ZBTB20: variants seen among roughly 807,000 people sequenced by gnomAD.
ZBTB20 encodes the protein zinc finger and BTB domain-containing protein 20.
Under a neutral mutation model 56.9 loss-of-function variants are expected in ZBTB20, and 9 were observed. The observed-to-expected ratio is 0.16, with a 90% confidence interval of 0.10 to 0.28. ZBTB20 has a LOEUF of 0.28. Ranked by LOEUF, ZBTB20 falls within the 10% of genes least tolerant of loss-of-function variation. The probability of loss-of-function intolerance (pLI) is 1.00; values close to 1 mark genes in which losing one functional copy is unlikely to be tolerated. For synonymous variants in ZBTB20, 417 were observed against 420.7 expected (o/e 0.99, Z 0.11); for missense variants, 655 against 1,003.0 (o/e 0.65, Z 4.69).
Position 114,315,663 on chromosome 3 carries a change from T to C in ZBTB20, c.*23342A>G, listed in dbSNP as rs2078655461. The stretch of plus-strand genomic sequence containing the variant: ...TTCCTTTCCATACTAAGATACAATG[T>C]GATAAGAAACATTTCTGTGCAGGGA... On this transcript the variant is annotated 3_prime_UTR_variant, in exon 12 of 12. Coordinates refer to ENST00000675478, the MANE Select transcript of ZBTB20 (RefSeq NM_001348800.3). 6.6e-6 allele frequency: 1 copy of C among 151,268 alleles called. No individual in the cohort carries two copies. The highest frequency in any genetic ancestry group is 2.1e-4 in the South Asian group (1 of 4,768). 9.4% of individuals were successfully genotyped at this position (151,268 alleles called of 1,614,324 possible).
At chr3:114,967,846 A>G (rs2077709779) in intron 3 of ZBTB20, among the ~76,000 whole-genome samples, 2 of 151,838 alleles carry the variant, frequency 1.3e-5, no homozygotes, top group Admixed American at 1.3e-4. Flanking sequence ...AATCCCAGCT[A>G]CTCAGGAGGC....
At chr3:114,958,514 G>A (rs569650859) in intron 3 of ZBTB20, among the ~76,000 whole-genome samples, 23 of 152,078 alleles carry the variant, frequency 1.5e-4, no homozygotes, top group South Asian at 8.3e-4. Flanking sequence ...TTTTTCTTAC[G>A]GATTTAAAAA....
At position 114,316,339 on chromosome 3, in the gene ZBTB20, T is replaced by A. The variant is rs1422474312; in HGVS notation, c.*22666A>T. 2 of 403,734 alleles carry A rather than the reference T, an allele frequency of 5.0e-6. No homozygotes were observed. The highest frequency in any genetic ancestry group is 9.6e-6 in the Non-Finnish European group (2 of 209,058). The allele number at this position is 403,734 out of a possible 1,614,324, so 25.0% of individuals were successfully genotyped here. ...ACCAAAGTCACTGCAAGTAGCTGTT[T>A]TTATTTTTTGTGATCTGTTGCAAGA... On this transcript the variant is annotated 3_prime_UTR_variant, in exon 12 of 12. Coordinates refer to ENST00000675478, the MANE Select transcript of ZBTB20 (RefSeq NM_001348800.3).
intron 2 of ZBTB20, among the ~76,000 whole-genome samples, chr3:115,036,385 C>T (rs746921581): frequency 1.2e-4 from 18 of 151,896 alleles, no homozygotes; most frequent in Admixed American, 1.2e-3. Context: ...CTGTAACCTC[C>T]GCTTCCCGGG....
At chr3:115,014,290 G>A (rs965179114) in intron 2 of ZBTB20, among the ~76,000 whole-genome samples, 3 of 151,630 alleles carry the variant, frequency 2.0e-5, no homozygotes, top group Non-Finnish European at 4.4e-5. Flanking sequence ...AGGGGGAGAA[G>A]TGGGGATGGT....
At chr3:114,348,734 G>C (rs1396192087) in intron 11 of ZBTB20, among the ~76,000 whole-genome samples, 1 of 152,168 alleles carries the variant, frequency 6.6e-6, no homozygotes, top group African/African-American at 2.4e-5. Context: ...CTCTATCTCT[G>C]TTGCTTTCCT....
rs374536436 is a variant in ZBTB20, at chr3:114,668,918, A to G, written c.-295+24610T>C. Among the ~76,000 whole-genome samples the G allele has an allele frequency of 1.4e-4, 22 of 152,224 alleles. No homozygotes were observed. The East Asian group carries it at 3.9e-3, about 27-fold the overall frequency. Reference sequence around the variant, plus strand: ...AAGAAATTCTCAGTTGAGAGCTACCAGCTTTCTTCAGATCGGATCAGATTT... The same window carrying G: ...AAGAAATTCTCAGTTGAGAGCTACCGGCTTTCTTCAGATCGGATCAGATTT... On this transcript the variant is annotated intron_variant, in intron 6 of 11. Coordinates refer to ENST00000675478, the MANE Select transcript of ZBTB20 (RefSeq NM_001348800.3).
At chr3:114,688,570 C>T (rs576489349) in intron 6 of ZBTB20, among the ~76,000 whole-genome samples, 1 of 152,162 alleles carries the variant, frequency 6.6e-6, no homozygotes, top group African/African-American at 2.4e-5. Flanking sequence ...TACAATTTTG[C>T]CATTGTAATT....
At chr3:114,771,356 ATAAC>A (rs1211041379) in intron 5 of ZBTB20, among the ~76,000 whole-genome samples, 1 of 152,200 alleles carries the variant, frequency 6.6e-6, no homozygotes, top group East Asian at 1.9e-4. Context: ...GATTTATTAA[ATAAC>A]TAAAAACTGA....
chr3:114,886,379 C>T (rs2076601984), intron 4 of ZBTB20, among the ~76,000 whole-genome samples: 1 of 152,180 alleles, frequency 6.6e-6, no homozygotes. Context: ...CTGGCCGATG[C>T]TAAGCAGAGA....
At chr3:114,350,007 G>A (rs1485399877) in intron 11 of ZBTB20, among the ~76,000 whole-genome samples, 1 of 152,034 alleles carries the variant, frequency 6.6e-6, no homozygotes, top group Non-Finnish European at 1.5e-5. Flanking sequence ...CTTATATAAT[G>A]ACCTGAGTCT....
intron 5 of ZBTB20, 124 bp downstream of exon 5, chr3:114,800,977 A>G (rs1224243189): frequency 2.0e-5 from 3 of 151,898 alleles, no homozygotes; most frequent in African/African-American, 7.3e-5. Flanking sequence ...AATCATTTAA[A>G]CATATATTTC....
At position 114,325,842 on chromosome 3, in the gene ZBTB20, T is replaced by C. The variant is rs2079046222; in HGVS notation, c.*13163A>G. 6.6e-6 allele frequency: 1 copy of C among 152,212 alleles called. No individual in the cohort carries two copies. Among genetic ancestry groups the C allele is most frequent in the Admixed American group, 6.5e-5 (1 of 15,278 alleles). 9.4% of individuals were successfully genotyped at this position (152,212 alleles called of 1,614,324 possible). A position where few individuals can be genotyped will look rare whatever the true frequency, so the allele number is the denominator to read the frequency against. ...TAATCGAGTTGAGTTGAAAACAGTA[T>C]GCTTTCAAATGAAGTACTACAATTT... On this transcript the variant is annotated 3_prime_UTR_variant, in exon 12 of 12. Coordinates refer to ENST00000675478, the MANE Select transcript of ZBTB20 (RefSeq NM_001348800.3).
chr3:114,373,136 G>T (rs2083229820), intron 10 of ZBTB20, among the ~76,000 whole-genome samples: 1 of 152,098 alleles, frequency 6.6e-6, no homozygotes, highest in Admixed American at 6.5e-5. Flanking sequence ...GGATGGTCTC[G>T]ATCTCTTGAC....
At chr3:115,022,230 T>C (rs116628150) in intron 2 of ZBTB20, among the ~76,000 whole-genome samples, 2,921 of 150,962 alleles carry the variant, frequency 0.019, 96 homozygotes, top group African/African-American at 0.067. Context: ...CAAAATTTAG[T>C]TATTTAATAA....
intron 4 of ZBTB20, among the ~76,000 whole-genome samples, chr3:114,857,348 G>A (rs1460384282): frequency 6.6e-6 from 1 of 152,196 alleles, no homozygotes; most frequent in African/African-American, 2.4e-5. Flanking sequence ...TGTGCAGGGT[G>A]TATCTGGCAC....
At chr3:114,464,807 C>G (rs1285358769) in intron 7 of ZBTB20, among the ~76,000 whole-genome samples, 1 of 152,046 alleles carries the variant, frequency 6.6e-6, no homozygotes, top group Non-Finnish European at 1.5e-5. Flanking sequence ...TTTCATGAGA[C>G]TTTTGGTTGC....
At chr3:114,972,441 A>C (rs1379884919) in intron 3 of ZBTB20, among the ~76,000 whole-genome samples, 1 of 152,174 alleles carries the variant, frequency 6.6e-6, no homozygotes, top group African/African-American at 2.4e-5. Context: ...CAAATATTTT[A>C]TTCATGTTCT....
intron 3 of ZBTB20, among the ~76,000 whole-genome samples, chr3:114,939,759 G>A (rs574864758): frequency 6.9e-6 from 1 of 145,960 alleles, no homozygotes; most frequent in Non-Finnish European, 1.5e-5. Flanking sequence ...CCAGCACTTT[G>A]GGAGGCCCAG....
Sources: gnomAD v4.1 joint callset for allele counts (sites outside exome capture counted in the v4.1 genomes callset) on GRCh38, gnomAD v4.1.1 for gene constraint, MANE v1.5 for transcripts, NCBI Gene and HGNC (gene_info 2026-07-23, HGNC 2026-07-21) for gene names.